NAALADL2: variants seen among roughly 807,000 people sequenced by gnomAD.
NAALADL2 encodes inactive N-acetylated-alpha-linked acidic dipeptidase-like protein 2.
A neutral mutation model predicts 87.2 loss-of-function variants in NAALADL2; 76 were observed. The ratio of observed to expected loss-of-function variants is 0.87; its 90% CI spans 0.72 to 1.05. The LOEUF (loss-of-function observed/expected upper bound fraction) is 1.05. Ranked by LOEUF, NAALADL2 falls within the 50% of genes least tolerant of loss-of-function variation. The probability of loss-of-function intolerance (pLI) is 0.00; values close to 1 mark genes in which losing one functional copy is unlikely to be tolerated. For synonymous variants in NAALADL2, 354 were observed against 331.0 expected (o/e 1.07, Z -0.75); for missense variants, 1,089 against 945.8 (o/e 1.15, Z -1.99).
intron 4 of NAALADL2, among the ~76,000 whole-genome samples, chr3:175,319,820 AAAAAAT>A (rs1249567841): frequency 1.3e-5 from 2 of 152,178 alleles, no homozygotes; most frequent in African/African-American, 4.8e-5. Context: ...ACTGTGTTTC[AAAAAAT>A]AAAAATAAAA....
intron 3 of NAALADL2, among the ~76,000 whole-genome samples, chr3:175,254,248 A>T (rs1265803276): frequency 6.6e-6 from 1 of 152,160 alleles, no homozygotes; most frequent in East Asian, 1.9e-4. Context: ...AGCAACTGTG[A>T]CCCTGATCAG....
At chr3:175,427,824 C>T (rs1717079791) in intron 5 of NAALADL2, among the ~76,000 whole-genome samples, 1 of 151,986 alleles carries the variant, frequency 6.6e-6, no homozygotes, top group South Asian at 2.1e-4. Context: ...TCATCCATAC[C>T]CAAATGTTGC....
At chr3:174,753,598 C>A (rs1187325828) in intron 3 of NAALADL2, among the ~76,000 whole-genome samples, 3 of 152,134 alleles carry the variant, frequency 2.0e-5, no homozygotes, top group Non-Finnish European at 2.9e-5. Context: ...AGCTATGCAA[C>A]TTCTGTCCAC....
At chr3:175,103,337 T>A (rs1374828440) in intron 2 of NAALADL2, among the ~76,000 whole-genome samples, 1 of 152,116 alleles carries the variant, frequency 6.6e-6, no homozygotes, top group Non-Finnish European at 1.5e-5. Flanking sequence ...CCTCCTCCAT[T>A]ACTCCCTTTC....
At chr3:175,530,998 C>T (rs1300641098) in intron 9 of NAALADL2, among the ~76,000 whole-genome samples, 1 of 152,064 alleles carries the variant, frequency 6.6e-6, no homozygotes, top group Non-Finnish European at 1.5e-5. Context: ...TCCTAGAGGC[C>T]TCCACTGTGA....
At chr3:175,132,837 C>T (rs1215304872) in intron 2 of NAALADL2, among the ~76,000 whole-genome samples, 5 of 151,834 alleles carry the variant, frequency 3.3e-5, no homozygotes, top group Non-Finnish European at 7.4e-5. Flanking sequence ...AGATGCTCCT[C>T]ACTTCCCAGA....
chr3:174,600,075 T>A (rs1321102170), intron 2 of NAALADL2, among the ~76,000 whole-genome samples: 2 of 152,134 alleles, frequency 1.3e-5, no homozygotes, highest in African/African-American at 4.8e-5. Flanking sequence ...TATAGTATTC[T>A]ATTTTTTTCA....
intron 1 of NAALADL2, among the ~76,000 whole-genome samples, chr3:175,076,973 A>G (rs183653600): frequency 6.6e-6 from 1 of 152,326 alleles, no homozygotes; most frequent in South Asian, 2.1e-4. Flanking sequence ...ATAATAACAT[A>G]TGATGACTGT....
chr3:174,726,919 TCTGATTCACAA>T (rs1732248726), intron 2 of NAALADL2, among the ~76,000 whole-genome samples: 1 of 152,146 alleles, frequency 6.6e-6, no homozygotes, highest in South Asian at 2.1e-4. Context: ...CTAGCCCCTT[TCTGATTCACAA>T]CTTAGGCAGA....
chr3:175,163,313 A>C lies in NAALADL2; in HGVS notation c.545+66022A>C, dbSNP rs1313934169. 2.0e-5 allele frequency among the ~76,000 whole-genome samples: 3 copies of C among 152,136 alleles called. No homozygotes were observed. The South Asian group carries it at 6.2e-4, about 31-fold the overall frequency. ...TTTTACATCCAGATTGTATAAACTT[A>C]CTGGAAAACATCCATACTCTTTTTA... On this transcript the variant is annotated intron_variant, in intron 2 of 13. Coordinates refer to ENST00000454872, the MANE Select transcript of NAALADL2 (RefSeq NM_207015.3).
chr3:175,425,225 A>T (rs1221203726), intron 5 of NAALADL2, among the ~76,000 whole-genome samples: 2 of 152,158 alleles, frequency 1.3e-5, no homozygotes, highest in Admixed American at 1.3e-4. Context: ...CAGGAAAATA[A>T]GCTCAAATAT....
chr3:174,968,150 A>G (rs192453333), intron 1 of NAALADL2, among the ~76,000 whole-genome samples: 2 of 152,102 alleles, frequency 1.3e-5, no homozygotes, highest in East Asian at 3.9e-4. Flanking sequence ...TTCATTTCCC[A>G]CCTCTTACTT....
At chr3:175,149,583 G>T (rs1463097158) in intron 2 of NAALADL2, among the ~76,000 whole-genome samples, 1 of 151,762 alleles carries the variant, frequency 6.6e-6, no homozygotes, top group Non-Finnish European at 1.5e-5. Flanking sequence ...CCTTTGGTTA[G>T]TTGCCATGAC....
At chr3:175,025,745 A>G (rs1168970861) in intron 1 of NAALADL2, among the ~76,000 whole-genome samples, 24 of 152,100 alleles carry the variant, frequency 1.6e-4, no homozygotes, top group Admixed American at 1.6e-3. Context: ...AAATACAAAT[A>G]TGTATTCACC....
rs77393272 is a variant in NAALADL2, at chr3:174,904,073, A to G, written c.43+44623A>G. ...TCTGAGCTTATAGATATACAGAGAT[A>G]TATAGTTATATAGATATGGATATAT... is the stretch of plus-strand genomic sequence containing the variant. On this transcript the variant is annotated intron_variant, in intron 1 of 13. Transcript: ENST00000454872. Among the ~76,000 whole-genome samples the G allele has an allele frequency of 1.1e-3, 166 of 151,848 alleles. 2 individuals carry two copies. The East Asian group carries it at 0.024, about 22-fold the overall frequency.
intron 10 of NAALADL2, among the ~76,000 whole-genome samples, chr3:175,592,452 T>A (rs891853792): frequency 2.6e-5 from 4 of 152,116 alleles, no homozygotes; most frequent in African/African-American, 9.7e-5. Flanking sequence ...ATTTTTGGTT[T>A]CTTTACATGT....
chr3:175,520,590 GC>G (rs2149417558), intron 9 of NAALADL2, among the ~76,000 whole-genome samples: 1 of 152,252 alleles, frequency 6.6e-6, no homozygotes, highest in Non-Finnish European at 1.5e-5. Context: ...GAGCCACCGC[GC>G]CCGGCCCAAG....
At chr3:174,809,382 A>G (rs1057129169) in intron 3 of NAALADL2, among the ~76,000 whole-genome samples, 1 of 152,210 alleles carries the variant, frequency 6.6e-6, no homozygotes. Context: ...GTATTCAGAT[A>G]TGGCCTAAGA....
chr3:174,742,667 T>G (rs1016195257), intron 3 of NAALADL2, among the ~76,000 whole-genome samples: 1 of 151,792 alleles, frequency 6.6e-6, no homozygotes, highest in South Asian at 2.1e-4. Context: ...AAGTGACACC[T>G]ACTAGTAATA....
Sources: gnomAD v4.1 joint callset for allele counts (sites outside exome capture counted in the v4.1 genomes callset) on GRCh38, gnomAD v4.1.1 for gene constraint, MANE v1.5 for transcripts, NCBI Gene and HGNC (gene_info 2026-07-23, HGNC 2026-07-21) for gene names.